The following TMEM161A variants were observed in gnomAD, a reference collection of about 807,000 sequenced individuals.
The protein encoded by TMEM161A is adaptive response to oxidative stress protein 29.
TMEM161A carries 46 observed loss-of-function variants against 57.1 expected under a neutral mutation model. The observed-to-expected ratio is 0.81, with a 90% CI of 0.64 to 1.03. The LOEUF is 1.03. TMEM161A is among the 50% of genes least tolerant of loss of function. The pLI is 0.00. For missense variants in TMEM161A, 601 were observed against 621.5 expected (o/e 0.97, Z 0.35); for synonymous variants, 288 against 279.0 (o/e 1.03, Z -0.32).
intron 1 of TMEM161A, among the ~76,000 whole-genome samples, chr19:19,136,569 T>C (rs2059985451): frequency 6.6e-6 from 1 of 152,066 alleles, no homozygotes; most frequent in African/African-American, 2.4e-5. Context: ...GGCAGCAGAA[T>C]TGCTTGAACC....
At chr19:19,125,585 T>C (rs907826553) in intron 6 of TMEM161A, among the ~76,000 whole-genome samples, 4 of 149,782 alleles carry the variant, frequency 2.7e-5, no homozygotes, top group African/African-American at 4.9e-5. Flanking sequence ...GGCGCGATCT[T>C]GGCTCACTGC....
intron 1 of TMEM161A, among the ~76,000 whole-genome samples, chr19:19,136,165 G>C (rs549433958): frequency 6.6e-6 from 1 of 152,212 alleles, no homozygotes; most frequent in East Asian, 1.9e-4. Context: ...TTTGCTGCCA[G>C]TAATTACATA....
intron 6 of TMEM161A, 117 bp downstream of exon 6, chr19:19,130,039 C>T (rs1213088210): frequency 8.1e-7 from 1 of 1,230,186 alleles, no homozygotes; most frequent in Non-Finnish European, 1.1e-6. Flanking sequence ...CTGCCTTCAC[C>T]CCAGGAGCCC....
At chr19:19,125,239 C>T (rs940562178) in intron 6 of TMEM161A, among the ~76,000 whole-genome samples, 19 of 152,148 alleles carry the variant, frequency 1.2e-4, no homozygotes, top group Non-Finnish European at 2.2e-4. Flanking sequence ...AAGGTTAGTC[C>T]GTGGAGACAC....
At chr19:19,123,780 G>C (rs553704279) in intron 6 of TMEM161A, among the ~76,000 whole-genome samples, 14 of 152,234 alleles carry the variant, frequency 9.2e-5, no homozygotes, top group African/African-American at 3.4e-4. Flanking sequence ...TATTAGAATA[G>C]GCCAGGCGCG....
intron 5 of TMEM161A, among the ~76,000 whole-genome samples, chr19:19,131,530 AC>A (rs2059958827): frequency 6.6e-6 from 1 of 151,368 alleles, no homozygotes; most frequent in South Asian, 2.1e-4. Flanking sequence ...ACACACACAC[AC>A]AATTTTTTGG....
chr19:19,137,134 C>G (rs1038813171), intron 1 of TMEM161A, among the ~76,000 whole-genome samples: 3 of 152,130 alleles, frequency 2.0e-5, no homozygotes, highest in Non-Finnish European at 4.4e-5. Context: ...ACCCATCATC[C>G]CATACCCTTC....
At position 19,121,506 on chromosome 19, in the gene TMEM161A, A is replaced by C; in HGVS notation, c.800+19T>G. On this transcript the variant is annotated intron_variant, in intron 8 of 11. Transcript: ENST00000162044. The surrounding 1 kb of genome is among the most constrained non-coding windows in gnomAD (Gnocchi z 5.8). ...CTTAAGCTCCCTAGTCCCCCCACCC[A>C]CCAAGCGACCCACTTAACTGCAGCA... is the stretch of plus-strand genomic sequence containing the variant. The C allele has an allele frequency of 6.2e-7, 1 of 1,612,816 alleles. No individual in the cohort carries two copies. The highest frequency in any genetic ancestry group is 1.1e-5 in the South Asian group (1 of 91,042).
chr19:19,135,543 C>CTTAT (rs1465185951), intron 1 of TMEM161A, among the ~76,000 whole-genome samples: 1 of 152,038 alleles, frequency 6.6e-6, no homozygotes, highest in African/African-American at 2.4e-5. Context: ...GTGGGGTGAG[C>CTTAT]TTATTTATTT....
Position 19,130,155 on chromosome 19 carries a change from C to T in TMEM161A, c.595+1G>A. On this transcript the variant is annotated splice_donor_variant, in intron 6 of 11. Coordinates refer to ENST00000162044, the MANE Select transcript of TMEM161A (RefSeq NM_017814.3). LOFTEE classifies it high-confidence loss of function. ...GGCCCCACGTTGGGGGCTGCACTTA[C>T]CAGGCTCCAGGCCCAGCTCGAGGGT... 1 of 1,613,026 alleles carries T rather than the reference C, an allele frequency of 6.2e-7. No homozygotes were observed. Among genetic ancestry groups the T allele is most frequent in the African/African-American group, 1.3e-5 (1 of 75,052 alleles).
intron 1 of TMEM161A, among the ~76,000 whole-genome samples, chr19:19,137,278 C>T (rs2059989068): frequency 6.6e-6 from 1 of 152,160 alleles, no homozygotes; most frequent in African/African-American, 2.4e-5. Flanking sequence ...CACCCAACCA[C>T]TGGAGTCTCA....
chr19:19,122,652 A>G (rs1371516543), intron 6 of TMEM161A, among the ~76,000 whole-genome samples: 1 of 151,656 alleles, frequency 6.6e-6, no homozygotes, highest in Non-Finnish European at 1.5e-5. Context: ...GTGCACGCCT[A>G]TAGTCCCAGC....
chr19:19,121,060 C>T lies in TMEM161A; in HGVS notation c.1021G>A (p.Ala341Thr), dbSNP rs140207829. 374 of 1,611,974 alleles carry T rather than the reference C, an allele frequency of 2.3e-4. No individual in the cohort carries two copies. Among genetic ancestry groups the T allele is most frequent in the Non-Finnish European group, 3.4e-5 (40 of 1,179,512 alleles). Residue 341 changes from alanine to threonine, a missense_variant, in exon 10 of 12, where the codon GCC (alanine) becomes ACC (threonine). Physicochemically the swap from Ala to Thr is moderately conservative, Grantham distance 58. Coordinates refer to ENST00000162044, the MANE Select transcript of TMEM161A (RefSeq NM_017814.3). The surrounding 1 kb of genome is among the most constrained non-coding windows in gnomAD (Gnocchi z 5.8). ...CGCAGCTGCTCCACCCGGGCCTTGGCCAGGCACAGGTAGGCCTGCAGGTGG... is the reference window on the plus strand; with the variant it reads ...CGCAGCTGCTCCACCCGGGCCTTGGTCAGGCACAGGTAGGCCTGCAGGTGG... ...RPHLQAYLCL[A>T]KARVEQLRRE... is the part of the protein sequence containing the mutation.
At chr19:19,120,894 G>C (rs1009639833) in intron 10 of TMEM161A, 33 bp from the exon 11 acceptor site, 2 of 1,612,226 alleles carry the variant, frequency 1.2e-6, no homozygotes, top group Non-Finnish European at 1.7e-6. Flanking sequence ...GCTGCAGCAG[G>C]AGGCCTTCTG....
At chr19:19,127,752 AG>A (rs2059938059) in intron 6 of TMEM161A, among the ~76,000 whole-genome samples, 1 of 149,106 alleles carries the variant, frequency 6.7e-6, no homozygotes, top group African/African-American at 2.5e-5. Flanking sequence ...AAGCATAGCA[AG>A]ACCCCATCTC....
rs936158381 is a variant in TMEM161A, at chr19:19,138,298, C to T, written c.3+128G>A. The T allele has an allele frequency of 1.0e-5, 14 of 1,359,036 alleles. No individual in the cohort carries two copies. The African/African-American group carries it at 1.4e-4, about 14-fold the overall frequency. The allele number at this position is 1,359,036 out of a possible 1,614,324, so 84.2% of individuals were successfully genotyped here. ...AGAGGGACACACGGCCTTCAGCGTG[C>T]CCCCGAATCCCTCAGAGCCTCCAAT... On this transcript the variant is annotated intron_variant, in intron 1 of 11. Coordinates refer to ENST00000162044, the MANE Select transcript of TMEM161A (RefSeq NM_017814.3).
chr19:19,119,980 G>A lies in TMEM161A; in HGVS notation c.1390C>T (p.Leu464Phe), dbSNP rs149098988. The change falls in exon 12 of 12, where the codon CTC becomes TTC. Residue 464 changes from leucine to phenylalanine, a missense_variant. Coordinates refer to ENST00000162044, the MANE Select transcript of TMEM161A (RefSeq NM_017814.3). ...LIWWTAACQL[L>F]ASLFGLYFHQ... ...AAGTAGAGGCCGAAAAGGCTGGCGA[G>A]CAGCTGGCAGGCAGCCGTCCACCAG... 375 of 1,574,256 alleles carry A rather than the reference G, an allele frequency of 2.4e-4. No homozygotes were observed. The highest frequency in any genetic ancestry group is 6.1e-4 in the Middle Eastern group (3 of 4,930).
At chr19:19,133,020 G>A (rs896157789) in intron 3 of TMEM161A, 110 bp downstream of exon 3, 2 of 994,922 alleles carry the variant, frequency 2.0e-6, no homozygotes, top group East Asian at 2.6e-5. Context: ...CTGGAAGTAT[G>A]GGTGGGCCGG....
chr19:19,121,288 T>C lies in TMEM161A; in HGVS notation c.914+20A>G. ...ACCCAGGGGAGCCCCAGCTACCTCC[T>C]AGCCCCACCCAATACGCACAGGGAG... On this transcript the variant is annotated intron_variant, in intron 9 of 11. Coordinates refer to ENST00000162044, the MANE Select transcript of TMEM161A (RefSeq NM_017814.3). The surrounding 1 kb of genome is among the most constrained non-coding windows in gnomAD (Gnocchi z 5.8). The C allele has an allele frequency of 1.3e-6, 2 of 1,555,124 alleles. No individual in the cohort carries two copies.
Sources: gnomAD v4.1 joint callset for allele counts (sites outside exome capture counted in the v4.1 genomes callset) on GRCh38, gnomAD v4.1.1 for gene constraint, Gnocchi (gnomAD v3.1) non-coding constraint, MANE v1.5 for transcripts, NCBI Gene and HGNC (gene_info 2026-07-23, HGNC 2026-07-21) for gene names.